The following SPAG6 variants were observed in gnomAD, a reference collection of about 807,000 sequenced individuals.
SPAG6 encodes sperm-associated antigen 6.
Under a neutral mutation model 58.5 loss-of-function variants are expected in SPAG6, and 49 were observed. The ratio of observed to expected loss-of-function variants is 0.84; its 90% CI spans 0.67 to 1.06. The LOEUF (loss-of-function observed/expected upper bound fraction) is 1.06, where lower values mean the gene tolerates loss of function less well. SPAG6 is among the 50% of genes least tolerant of loss of function. SPAG6 has a pLI of 0.00. For missense variants in SPAG6, 560 were observed against 611.3 expected (o/e 0.92, Z 0.89); for synonymous variants, 233 against 225.6 (o/e 1.03, Z -0.29).
intron 4 of SPAG6, among the ~76,000 whole-genome samples, chr10:22,375,636 A>C (rs1588650777): frequency 7.5e-6 from 1 of 132,940 alleles, no homozygotes; most frequent in Non-Finnish European, 1.6e-5. Flanking sequence ...CCCATGTTGG[A>C]GTGCAATGGT....
chr10:22,376,680 C>T (rs963039523), intron 4 of SPAG6, among the ~76,000 whole-genome samples: 6 of 152,066 alleles, frequency 3.9e-5, no homozygotes, highest in African/African-American at 1.4e-4. Context: ...CAGCCTCCCA[C>T]ATCGTGTGTC....
chr10:22,368,757 T>C (rs962658939), intron 4 of SPAG6, 79 bp downstream of exon 4: 10 of 1,082,162 alleles, frequency 9.2e-6, no homozygotes, highest in South Asian at 1.6e-5. Flanking sequence ...CAGTTTTGCT[T>C]AGTAAAACAT....
At chr10:22,347,469 C>A (rs1836596869) in intron 2 of SPAG6, among the ~76,000 whole-genome samples, 1 of 152,058 alleles carries the variant, frequency 6.6e-6, no homozygotes, top group South Asian at 2.1e-4. Context: ...CTCTCAATGA[C>A]CTTTGTGAAT....
intron 10 of SPAG6, among the ~76,000 whole-genome samples, chr10:22,412,676 A>G (rs2130649406): frequency 6.6e-6 from 1 of 152,270 alleles, no homozygotes; most frequent in East Asian, 1.9e-4. Flanking sequence ...GGTTCAAGCT[A>G]TTCTCCTGCC....
At chr10:22,386,040 C>T (rs1264565239) in intron 4 of SPAG6, among the ~76,000 whole-genome samples, 1 of 152,094 alleles carries the variant, frequency 6.6e-6, no homozygotes, top group Non-Finnish European at 1.5e-5. Context: ...ATTTTTGTAG[C>T]TGTTATTCTT....
intron 5 of SPAG6, among the ~76,000 whole-genome samples, chr10:22,387,389 TATA>T (rs1834092048): frequency 6.6e-6 from 1 of 152,224 alleles, no homozygotes; most frequent in South Asian, 2.1e-4. Flanking sequence ...AGTTATATCC[TATA>T]ATGTTTTAAA....
chr10:22,380,070 C>T (rs555645253), intron 4 of SPAG6, among the ~76,000 whole-genome samples: 6 of 151,578 alleles, frequency 4.0e-5, no homozygotes, highest in East Asian at 4.0e-4. Context: ...CTGGGACTAC[C>T]GGAGTGAGGC....
intron 8 of SPAG6, among the ~76,000 whole-genome samples, chr10:22,395,903 A>G (rs1207030891): frequency 6.6e-6 from 1 of 152,188 alleles, no homozygotes; most frequent in Non-Finnish European, 1.5e-5. Flanking sequence ...ATTTTTCAGC[A>G]GTTTTCATTC....
Position 22,411,057 on chromosome 10 carries a change from A to T in SPAG6, c.1341A>T (p.Arg447=), listed in dbSNP as rs1301764096. 6.2e-7 allele frequency: 1 copy of T among 1,614,096 alleles called. No homozygotes were observed. The highest frequency in any genetic ancestry group is 2.2e-5 in the East Asian group (1 of 44,876). ...SKVLPHDSKA[R]RLFVTSGGLK... ...TGCTGCCGCATGATAGCAAAGCTCG[A>T]CGACTTTTTGTAACAAGTGGTGGCC... is the stretch of plus-strand genomic sequence containing the variant. Residue 447 remains arginine (R), a synonymous_variant, in exon 10 of 11, where the codon CGA becomes CGT. Coordinates refer to ENST00000376624, the MANE Select transcript of SPAG6 (RefSeq NM_012443.4).
chr10:22,414,608 A>G (rs1039824961), intron 10 of SPAG6, among the ~76,000 whole-genome samples: 10 of 152,228 alleles, frequency 6.6e-5, no homozygotes, highest in African/African-American at 1.9e-4. Context: ...ACTGAGGACT[A>G]GAAAAATGGC....
At chr10:22,411,393 A>G (rs1834731920) in intron 10 of SPAG6, 1 of 421,892 alleles carries the variant, frequency 2.4e-6, no homozygotes, top group Admixed American at 4.2e-5. Context: ...GTCATTTAAG[A>G]CATTTTTGTA....
At chr10:22,348,905 T>G (rs994923714) in intron 2 of SPAG6, among the ~76,000 whole-genome samples, 10 of 152,190 alleles carry the variant, frequency 6.6e-5, no homozygotes, top group Non-Finnish European at 1.3e-4. Context: ...CTATCTCAGC[T>G]CAATGCAACC....
chr10:22,355,261 AGGGTTACAT>A (rs1277619065), intron 2 of SPAG6, among the ~76,000 whole-genome samples: 4 of 152,198 alleles, frequency 2.6e-5, no homozygotes, highest in Non-Finnish European at 4.4e-5. Flanking sequence ...GATTGTAATG[AGGGTTACAT>A]GGGTTACTAT....
In SPAG6 at chr10:22,368,915, A is replaced by G. The variant is rs186208254; in HGVS notation, c.472+237A>G. Among the ~76,000 whole-genome samples the G allele has an allele frequency of 3.3e-5, 5 of 152,126 alleles. No individual in the cohort carries two copies. The East Asian group carries it at 9.7e-4, about 29-fold the overall frequency. On this transcript the variant is annotated intron_variant, in intron 4 of 10. Coordinates refer to ENST00000376624, the MANE Select transcript of SPAG6 (RefSeq NM_012443.4). Reference sequence around the variant, plus strand: ...AGGGAAATTTGAAGAGGTGGAGAAAAGGAGAGAGGGGTGGCAGCGGGTGGG... The same window carrying G: ...AGGGAAATTTGAAGAGGTGGAGAAAGGGAGAGAGGGGTGGCAGCGGGTGGG...
intron 9 of SPAG6, among the ~76,000 whole-genome samples, chr10:22,410,305 A>G (rs1220393226): frequency 6.6e-6 from 1 of 152,232 alleles, no homozygotes; most frequent in Admixed American, 6.5e-5. Flanking sequence ...TTCTGCCTTC[A>G]GTGACATTGT....
At chr10:22,354,234 A>G (rs1836805814) in intron 2 of SPAG6, among the ~76,000 whole-genome samples, 1 of 152,174 alleles carries the variant, frequency 6.6e-6, no homozygotes, top group Admixed American at 6.5e-5. Context: ...TATAGCAGTC[A>G]TGTTTGATAA....
At chr10:22,367,293 A>C (rs996310675) in intron 3 of SPAG6, among the ~76,000 whole-genome samples, 1 of 152,254 alleles carries the variant, frequency 6.6e-6, no homozygotes, top group Admixed American at 6.5e-5. Context: ...ACTCTATTCT[A>C]ATATTTAGAG....
chr10:22,387,990 A>C lies in SPAG6; in HGVS notation c.846A>C (p.Thr282=). The C allele has an allele frequency of 6.3e-7, 1 of 1,598,810 alleles. No individual in the cohort carries two copies. The highest frequency in any genetic ancestry group is 8.5e-7 in the Non-Finnish European group (1 of 1,175,140). The stretch of plus-strand genomic sequence containing the variant: ...TAATTAGAGAGATTGCAAAACATAC[A>C]CCCGAGGTGAAAAGAAACTTCAAGG... The part of the protein sequence containing the change: ...STLIREIAKH[T]PELSQLVVNA... Residue 282 remains threonine, a synonymous_variant, in exon 6 of 11, where the codon ACA becomes ACC. Coordinates refer to ENST00000376624, the MANE Select transcript of SPAG6 (RefSeq NM_012443.4).
chr10:22,410,587 C>T (rs1038350317), intron 9 of SPAG6, among the ~76,000 whole-genome samples: 5 of 151,990 alleles, frequency 3.3e-5, no homozygotes, highest in Non-Finnish European at 7.4e-5. Context: ...GAGGTAGCAG[C>T]GTGGGCAAAG....
Sources: allele counts gnomAD v4.1 joint callset (sites outside exome capture counted in the v4.1 genomes callset), GRCh38; gene constraint gnomAD v4.1.1; transcripts MANE v1.5; gene names NCBI Gene and HGNC (gene_info 2026-07-23, HGNC 2026-07-21).